Variants in GRIK4 observed in about 807,000 individuals in gnomAD.
The protein encoded by GRIK4 is glutamate receptor ionotropic, kainate 4.
A neutral mutation model predicts 104.9 loss-of-function variants in GRIK4; 40 were observed. The ratio of observed to expected loss-of-function variants is 0.38; its 90% CI spans 0.30 to 0.50. The LOEUF (loss-of-function observed/expected upper bound fraction) is 0.50. Ranked by LOEUF, GRIK4 falls within the 20% of genes least tolerant of loss-of-function variation. GRIK4 has a pLI of 0.93. For synonymous variants in GRIK4, 485 were observed against 524.9 expected (o/e 0.92, Z 1.04); for missense variants, 1,047 against 1,308.1 (o/e 0.80, Z 3.08).
At chr11:120,649,573 G>A (rs7121104) in intron 1 of GRIK4, among the ~76,000 whole-genome samples, 2 of 152,046 alleles carry the variant, frequency 1.3e-5, no homozygotes, top group African/African-American at 2.4e-5. Context: ...CATAGCCCTC[G>A]CTGGCTTCAG....
chr11:120,660,152 G>A (rs868014144), intron 2 of GRIK4, 117 bp from the exon 3 acceptor site: 13 of 599,634 alleles, frequency 2.2e-5, no homozygotes, highest in South Asian at 2.0e-4. Flanking sequence ...CTTTGAGCCC[G>A]GCATGTAAGG....
intron 3 of GRIK4, among the ~76,000 whole-genome samples, chr11:120,780,008 G>A (rs1286407859): frequency 6.6e-6 from 1 of 152,198 alleles, no homozygotes; most frequent in Non-Finnish European, 1.5e-5. Flanking sequence ...AGACAATGAG[G>A]AGGCAATTTT....
At chr11:120,715,403 A>C (rs913428062) in intron 3 of GRIK4, among the ~76,000 whole-genome samples, 1 of 152,202 alleles carries the variant, frequency 6.6e-6, no homozygotes, top group Non-Finnish European at 1.5e-5. Flanking sequence ...TAAAAACAAA[A>C]AAACAAAGTA....
chr11:120,521,063 A>G (rs1947792020), intron 1 of GRIK4, among the ~76,000 whole-genome samples: 1 of 151,684 alleles, frequency 6.6e-6, no homozygotes, highest in Admixed American at 6.6e-5. Flanking sequence ...TTGCAATGCC[A>G]TTTTCTTTTT....
At chr11:120,698,575 A>G (rs1287633663) in intron 3 of GRIK4, among the ~76,000 whole-genome samples, 1 of 152,236 alleles carries the variant, frequency 6.6e-6, no homozygotes, top group Non-Finnish European at 1.5e-5. Context: ...AGTAATGTTC[A>G]CAATACCCTT....
intron 1 of GRIK4, among the ~76,000 whole-genome samples, chr11:120,571,868 T>G (rs2135074078): frequency 2.0e-5 from 3 of 152,240 alleles, no homozygotes; most frequent in Middle Eastern, 6.8e-3. Context: ...GGGAACATGT[T>G]GGGGAACATG....
At chr11:120,770,147 A>G (rs752232944) in intron 3 of GRIK4, among the ~76,000 whole-genome samples, 2 of 152,160 alleles carry the variant, frequency 1.3e-5, no homozygotes, top group Admixed American at 6.5e-5. Flanking sequence ...TGCAGTCCCC[A>G]TGGGTGCAAT....
chr11:120,644,090 G>A (rs1460210388), intron 1 of GRIK4, among the ~76,000 whole-genome samples: 2 of 151,706 alleles, frequency 1.3e-5, no homozygotes, highest in Non-Finnish European at 2.9e-5. Flanking sequence ...GAAAGTGTGT[G>A]TATGTGTGAT....
chr11:120,722,394 G>T (rs1950948328), intron 3 of GRIK4, among the ~76,000 whole-genome samples: 1 of 152,062 alleles, frequency 6.6e-6, no homozygotes, highest in South Asian at 2.1e-4. Context: ...CGAGGCAGGT[G>T]GATCACTTGA....
chr11:120,737,969 T>G (rs771766008), intron 3 of GRIK4, among the ~76,000 whole-genome samples: 13 of 152,114 alleles, frequency 8.5e-5, no homozygotes, highest in Admixed American at 5.2e-4. Context: ...GATGAAAACA[T>G]AAGCGGAATT....
At chr11:120,573,796 C>T (rs1338117796) in intron 1 of GRIK4, among the ~76,000 whole-genome samples, 1 of 152,164 alleles carries the variant, frequency 6.6e-6, no homozygotes, top group Non-Finnish European at 1.5e-5. Context: ...ATTTGGGGCT[C>T]AGGGACCCTC....
At chr11:120,533,058 C>T (rs761640347) in intron 1 of GRIK4, among the ~76,000 whole-genome samples, 13 of 152,042 alleles carry the variant, frequency 8.6e-5, no homozygotes, top group Non-Finnish European at 1.6e-4. Flanking sequence ...TGTAGGGGGG[C>T]GCAGAGACAT....
intron 16 of GRIK4, 23 bp from the exon 17 acceptor site, chr11:120,960,886 C>T (rs1357244199): frequency 6.2e-7 from 1 of 1,605,740 alleles, no homozygotes; most frequent in Non-Finnish European, 8.5e-7. Flanking sequence ...GCAATGATGA[C>T]TTCCTCGTCT....
chr11:120,609,498 C>T (rs1373313208), intron 1 of GRIK4, among the ~76,000 whole-genome samples: 2 of 148,358 alleles, frequency 1.3e-5, no homozygotes, highest in African/African-American at 5.0e-5. Context: ...TTTCCCTTTT[C>T]CCCCATCTTT....
chr11:120,954,144 C>T (rs1191083338), intron 15 of GRIK4, among the ~76,000 whole-genome samples: 3 of 152,018 alleles, frequency 2.0e-5, no homozygotes, highest in African/African-American at 7.2e-5. Flanking sequence ...CTACCTAACC[C>T]CTGAGGGCAC....
chr11:120,589,374 C>T (rs1433251844), intron 1 of GRIK4, among the ~76,000 whole-genome samples: 1 of 152,136 alleles, frequency 6.6e-6, no homozygotes, highest in Non-Finnish European at 1.5e-5. Context: ...CAAAATCCTA[C>T]CTTGGCCACC....
chr11:120,960,430 C>A (rs568640355), intron 16 of GRIK4, among the ~76,000 whole-genome samples: 1 of 152,334 alleles, frequency 6.6e-6, no homozygotes, highest in African/African-American at 2.4e-5. Flanking sequence ...ATTTTGCTTC[C>A]GTGAGCTCTA....
intron 1 of GRIK4, among the ~76,000 whole-genome samples, chr11:120,640,317 T>G (rs1949454348): frequency 6.6e-6 from 1 of 152,224 alleles, no homozygotes; most frequent in Non-Finnish European, 1.5e-5. Flanking sequence ...AAATGTGACT[T>G]CACTTTGGTG....
chr11:120,857,314 G>A (rs989295831), intron 8 of GRIK4, among the ~76,000 whole-genome samples: 1 of 152,300 alleles, frequency 6.6e-6, no homozygotes, highest in Admixed American at 6.5e-5. Context: ...GACATGGCAC[G>A]TCTGCTGCAG....
Sources: allele counts gnomAD v4.1 joint callset (sites outside exome capture counted in the v4.1 genomes callset), GRCh38; gene constraint gnomAD v4.1.1; transcripts MANE v1.5; gene names NCBI Gene and HGNC (gene_info 2026-07-23, HGNC 2026-07-21).